The following ROBO2 variants were observed in gnomAD, a reference collection of about 807,000 sequenced individuals.
ROBO2 encodes the protein roundabout guidance receptor 2.
ROBO2 carries 53 observed loss-of-function variants against 160.8 expected under a neutral mutation model. That is an observed-to-expected ratio of 0.33 (90% CI 0.26 to 0.41). The LOEUF (loss-of-function observed/expected upper bound fraction) is 0.41. ROBO2 is among the 10% of genes least tolerant of loss of function. ROBO2 has a pLI of 1.00. For synonymous variants in ROBO2, 664 were observed against 611.7 expected, an observed-to-expected ratio of 1.09 and a Z score of -1.26; for missense variants, 1,577 against 1,722.4, an observed-to-expected ratio of 0.92 and a Z score of 1.49.
At chr3:77,477,453 T>C in exon 3 of ROBO2, 3 of 1,613,892 alleles carry the variant, frequency 1.9e-6, no homozygotes, top group Non-Finnish European at 2.5e-6. Context: ...ACAGATGTTG[T>C]AGTGGCAGCT....
intron 2 of ROBO2, among the ~76,000 whole-genome samples, chr3:76,675,603 G>A (rs776149206): frequency 7.9e-5 from 12 of 152,156 alleles, no homozygotes; most frequent in Non-Finnish European, 1.6e-4. Context: ...AGGGCTTAGA[G>A]TTGACAGACT....
rs186382449 is a variant in ROBO2 at position 77,422,529 on chromosome 3, T to C, written c.389-54885T>C. On this transcript the variant is annotated intron_variant, in intron 2 of 25. Coordinates refer to ENST00000461745, the Ensembl canonical transcript of ROBO2. ...CTCTGGAATCAATCTGTTCCTAAAC[T>C]AGTGTTTCATAAATTAGAGTCAGCT... 2.1e-3 allele frequency among the ~76,000 whole-genome samples: 321 copies of C among 152,318 alleles called. 1 individual carries two copies. The highest frequency in any genetic ancestry group is 0.02 in the Middle Eastern group (6 of 294).
chr3:77,622,133 G>A, intron 22 of ROBO2, 94 bp from the exon 24 acceptor site: 2 of 1,091,560 alleles, frequency 1.8e-6, no homozygotes, highest in Non-Finnish European at 2.7e-6. Flanking sequence ...GAAGAAGACA[G>A]TATGAGTTAC....
intron 2 of ROBO2, among the ~76,000 whole-genome samples, chr3:76,866,251 A>G (rs2071360780): frequency 6.6e-6 from 1 of 152,198 alleles, no homozygotes; most frequent in Admixed American, 6.5e-5. Context: ...AAAAAGATGC[A>G]CAGGATATGT....
chr3:76,011,565 A>G (rs1281826994), intron 2 of ROBO2, among the ~76,000 whole-genome samples: 1 of 152,170 alleles, frequency 6.6e-6, no homozygotes, highest in African/African-American at 2.4e-5. Flanking sequence ...GTAAGCATTC[A>G]GATCTGTATT....
intron 2 of ROBO2, among the ~76,000 whole-genome samples, chr3:76,188,925 G>T (rs1404146704): frequency 1.3e-5 from 2 of 152,012 alleles, no homozygotes; most frequent in Non-Finnish European, 2.9e-5. Context: ...AAAAAGTGAG[G>T]GTTATGAATG....
At chr3:77,596,844 G>T in intron 19 of ROBO2, 94 bp downstream of exon 20, 2 of 1,393,118 alleles carry the variant, frequency 1.4e-6, no homozygotes, top group East Asian at 4.6e-5. Context: ...ACATATCAGA[G>T]AGTATTTACT....
intron 3 of ROBO2, among the ~76,000 whole-genome samples, chr3:77,477,904 G>A (rs1021303648): frequency 8.2e-6 from 1 of 122,664 alleles, no homozygotes; most frequent in Non-Finnish European, 1.6e-5. Context: ...CCTGCTCACC[G>A]CAACCTCTGC....
chr3:77,257,826 A>T (rs2058520795), intron 2 of ROBO2, among the ~76,000 whole-genome samples: 1 of 152,232 alleles, frequency 6.6e-6, no homozygotes, highest in Non-Finnish European at 1.5e-5. Flanking sequence ...ATTATGGGTT[A>T]AATTCAGCAA....
chr3:77,505,513 A>G (rs1257870919), intron 5 of ROBO2, among the ~76,000 whole-genome samples: 2 of 152,150 alleles, frequency 1.3e-5, no homozygotes, highest in African/African-American at 4.8e-5. Context: ...AGTATTTTCT[A>G]TCACTGAATC....
chr3:75,964,013 T>C (rs1292293058), intron 2 of ROBO2, among the ~76,000 whole-genome samples: 2 of 151,748 alleles, frequency 1.3e-5, no homozygotes, highest in East Asian at 2.0e-4. Flanking sequence ...CCGTATGAAT[T>C]TGGGGAGAGG....
chr3:75,997,768 C>T (rs188615681), intron 2 of ROBO2, among the ~76,000 whole-genome samples: 135 of 152,238 alleles, frequency 8.9e-4, no homozygotes, highest in African/African-American at 3.1e-3. Flanking sequence ...GCTGGGATTA[C>T]AGGCGTGAGC....
intron 2 of ROBO2, among the ~76,000 whole-genome samples, chr3:76,171,760 A>G (rs1300916971): frequency 6.6e-6 from 1 of 152,000 alleles, no homozygotes; most frequent in Non-Finnish European, 1.5e-5. Context: ...TGGGGAGAAA[A>G]TTATTATTTC....
At chr3:76,829,229 G>A (rs1241371225) in intron 2 of ROBO2, among the ~76,000 whole-genome samples, 1 of 152,088 alleles carries the variant, frequency 6.6e-6, no homozygotes, top group Non-Finnish European at 1.5e-5. Context: ...AATCTAATCT[G>A]CTTTTCCCTC....
chr3:76,729,235 C>T (rs868367719), intron 2 of ROBO2, among the ~76,000 whole-genome samples: 4 of 151,194 alleles, frequency 2.6e-5, no homozygotes, highest in African/African-American at 9.7e-5. Flanking sequence ...GAGTAACTGT[C>T]TTTTTTTTTT....
intron 2 of ROBO2, among the ~76,000 whole-genome samples, chr3:77,020,520 A>T (rs879930555): frequency 6.6e-6 from 1 of 152,202 alleles, no homozygotes; most frequent in East Asian, 1.9e-4. Flanking sequence ...TTAGAAAAAA[A>T]TGTTCATGCC....
chr3:76,594,332 T>C (rs913625059), intron 2 of ROBO2, among the ~76,000 whole-genome samples: 4 of 151,938 alleles, frequency 2.6e-5, no homozygotes, highest in Non-Finnish European at 5.9e-5. Flanking sequence ...TACTTTAGGA[T>C]TGGTGGTACA....
At chr3:75,989,659 C>A (rs1229567364) in intron 2 of ROBO2, among the ~76,000 whole-genome samples, 1 of 152,166 alleles carries the variant, frequency 6.6e-6, no homozygotes, top group African/African-American at 2.4e-5. Context: ...TTGTTTCACA[C>A]GTTTGTCTGT....
intron 2 of ROBO2, among the ~76,000 whole-genome samples, chr3:77,007,505 A>G (rs1578208670): frequency 6.6e-6 from 1 of 152,030 alleles, no homozygotes. Flanking sequence ...CATTTCTTCG[A>G]AAACACACAT....
Sources: allele counts gnomAD v4.1 joint callset (sites outside exome capture counted in the v4.1 genomes callset), GRCh38; gene constraint gnomAD v4.1.1; transcripts MANE v1.5; gene names NCBI Gene and HGNC (gene_info 2026-07-23, HGNC 2026-07-21).